Variants in TERF2 observed in about 807,000 individuals in gnomAD.
The protein encoded by TERF2 is telomeric repeat-binding factor 2.
In TERF2, 16 loss-of-function variants were observed where a neutral mutation model predicts 56.1. The ratio of observed to expected loss-of-function variants is 0.29; its 90% CI spans 0.19 to 0.43. TERF2 has a LOEUF of 0.43. Ranked by LOEUF, TERF2 falls within the 20% of genes least tolerant of loss-of-function variation. The pLI is 1.00. For synonymous variants in TERF2, 296 were observed against 282.1 expected, an observed-to-expected ratio of 1.05 and a Z score of -0.50; for missense variants, 547 against 712.9, an observed-to-expected ratio of 0.77 and a Z score of 2.65.
rs778322986 is a variant in TERF2 at position 69,356,892 on chromosome 16, C to G, written c.*6G>C. ...CCTGTGAATTCTGTGGAAATGAAAG[C>G]CTGTTTCAGTTCATGCCAAGTCTTT... On this transcript the variant is annotated 3_prime_UTR_variant, in exon 10 of 10. Transcript: ENST00000254942. 2 of 1,608,334 alleles carry G rather than the reference C, an allele frequency of 1.2e-6. No homozygotes were observed. The highest frequency in any genetic ancestry group is 8.5e-7 in the Non-Finnish European group (1 of 1,177,374).
At chr16:69,376,077 T>G (rs1489746622) in intron 3 of TERF2, among the ~76,000 whole-genome samples, 3 of 152,232 alleles carry the variant, frequency 2.0e-5, no homozygotes. Flanking sequence ...TTAAGTCCTA[T>G]TCATCAATTT....
Position 69,384,721 on chromosome 16 carries a change from G to C in TERF2, c.476-11C>G. On this transcript the variant is annotated splice_polypyrimidine_tract_variant and intron_variant, in intron 2 of 9. Transcript: ENST00000254942. Reference sequence around the variant, plus strand: ...TATCAAAGGAACAGTCTAGGACAAAGCACAGTTTTCATTTTTAAGCTCTTT... The same window carrying C: ...TATCAAAGGAACAGTCTAGGACAAACCACAGTTTTCATTTTTAAGCTCTTT... 6.4e-7 allele frequency: 1 copy of C among 1,566,022 alleles called. No individual in the cohort carries two copies. The highest frequency in any genetic ancestry group is 8.6e-7 in the Non-Finnish European group (1 of 1,159,632).
chr16:69,367,416 A>G (rs1411290143), intron 6 of TERF2, among the ~76,000 whole-genome samples: 1 of 152,172 alleles, frequency 6.6e-6, no homozygotes, highest in Non-Finnish European at 1.5e-5. Context: ...TGTCCTAGAC[A>G]GTAGATAGGA....
intron 7 of TERF2, among the ~76,000 whole-genome samples, chr16:69,362,240 G>A (rs1335710235): frequency 2.6e-5 from 4 of 151,552 alleles, no homozygotes; most frequent in Non-Finnish European, 5.9e-5. Context: ...CTCTGCTTGG[G>A]AGTCCCTTCC....
At position 69,375,981 on chromosome 16, in the gene TERF2, A is replaced by C. The variant is rs536524957; in HGVS notation, c.607-3626T>G. 3.9e-5 allele frequency among the ~76,000 whole-genome samples: 6 copies of C among 152,222 alleles called. No homozygotes were observed. The South Asian group carries it at 1.0e-3, about 26-fold the overall frequency. On this transcript the variant is annotated intron_variant, in intron 3 of 9. Coordinates refer to ENST00000254942, the MANE Select transcript of TERF2 (RefSeq NM_005652.5). Reference sequence around the variant, plus strand: ...AGATACCAGTTCTTTGTCAGGTGTGATTTGTAAATATTTTCTCCCAACCTG... The same window carrying C: ...AGATACCAGTTCTTTGTCAGGTGTGCTTTGTAAATATTTTCTCCCAACCTG...
chr16:69,364,991 C>T (rs1213355590), intron 7 of TERF2: 3 of 152,234 alleles, frequency 2.0e-5, no homozygotes, highest in Non-Finnish European at 2.9e-5. Flanking sequence ...ACTTTATTTA[C>T]AAAAACAGGC....
At chr16:69,368,828 C>G (rs1433086041) in intron 5 of TERF2, among the ~76,000 whole-genome samples, 1 of 152,108 alleles carries the variant, frequency 6.6e-6, no homozygotes, top group African/African-American at 2.4e-5. Flanking sequence ...AGGCGCCCAC[C>G]ACCATGTCCA....
Position 69,370,034 on chromosome 16 carries a change from A to T in TERF2, c.840+449T>A, listed in dbSNP as rs964447559. ...CAGTATCTCTGCTTTTGTATTATTT[A>T]TTTATTTATTTTTTGAGACGGAGTC... On this transcript the variant is annotated intron_variant, in intron 5 of 9. Coordinates refer to ENST00000254942, the MANE Select transcript of TERF2 (RefSeq NM_005652.5). Among the ~76,000 whole-genome samples the T allele has an allele frequency of 6.7e-4, 102 of 152,058 alleles. 1 individual carries two copies. The highest frequency in any genetic ancestry group is 2.2e-3 in the African/African-American group (93 of 41,504).
Position 69,356,074 on chromosome 16 carries a change from A to G in TERF2, c.*824T>C, listed in dbSNP as rs749948840. On this transcript the variant is annotated 3_prime_UTR_variant, in exon 10 of 10. Transcript: ENST00000254942. ...GGGTTGATGTCACGACTGGCTAAAG[A>G]GTTTTTAAAGGGAATCTTATTCCAC... is the stretch of plus-strand genomic sequence containing the variant. The G allele has an allele frequency of 7.9e-6, 3 of 379,856 alleles. No individual in the cohort carries two copies. The highest frequency in any genetic ancestry group is 1.6e-5 in the Non-Finnish European group (3 of 192,990). The allele number at this position is 379,856 out of a possible 1,614,324, so 23.5% of individuals were successfully genotyped here.
At position 69,357,036 on chromosome 16, in the gene TERF2, G is replaced by A. The variant is rs201689490; in HGVS notation, c.1491C>T (p.Ser497=). ...TKKQKWTVEE[S]EWVKAGVQKY... ...TCTGCACTCCAGCCTTGACCCACTC[G>A]CTTTCTTCTACAGTCCACTTCTGCA... The change falls in exon 10 of 10, where the codon AGC becomes AGT. Residue 497 remains serine (S), a synonymous_variant. Coordinates refer to ENST00000254942, the MANE Select transcript of TERF2 (RefSeq NM_005652.5). The A allele has an allele frequency of 2.9e-5, 46 of 1,611,450 alleles. No homozygotes were observed. The highest frequency in any genetic ancestry group is 6.7e-5 in the East Asian group (3 of 44,840).
At chr16:69,367,389 G>C (rs1361023074) in intron 6 of TERF2, among the ~76,000 whole-genome samples, 190 bp from the exon 7 acceptor site, 1 of 152,034 alleles carries the variant, frequency 6.6e-6, no homozygotes, top group East Asian at 1.9e-4. Context: ...TTTATTTTTA[G>C]AGATAGGGTC....
At chr16:69,367,350 A>C in intron 6 of TERF2, 151 bp from the exon 7 acceptor site, 1 of 860,898 alleles carries the variant, frequency 1.2e-6, no homozygotes, top group Non-Finnish European at 1.7e-6. Flanking sequence ...TAAAACTCCA[A>C]GTTAGAGAAC....
intron 2 of TERF2, 138 bp from the exon 3 acceptor site, chr16:69,384,848 G>T: frequency 8.5e-6 from 7 of 826,620 alleles, no homozygotes; most frequent in Non-Finnish European, 1.2e-5. Flanking sequence ...TGACATATTT[G>T]CTACAGGTTG....
At chr16:69,368,971 C>T (rs1243304105) in intron 5 of TERF2, among the ~76,000 whole-genome samples, 1 of 151,946 alleles carries the variant, frequency 6.6e-6, no homozygotes, top group Non-Finnish European at 1.5e-5. Context: ...CCACCATGCC[C>T]GGCAATAAAT....
chr16:69,367,546 C>A (rs2013398954), intron 6 of TERF2, among the ~76,000 whole-genome samples: 1 of 152,098 alleles, frequency 6.6e-6, no homozygotes, highest in Non-Finnish European at 1.5e-5. Context: ...ATCCACCACA[C>A]CCGGCCTACA....
chr16:69,379,419 T>C (rs925375309), intron 3 of TERF2, among the ~76,000 whole-genome samples: 14 of 152,186 alleles, frequency 9.2e-5, no homozygotes, highest in Admixed American at 5.2e-4. Flanking sequence ...AAAAGCAACA[T>C]ATAAATGCTT....
chr16:69,364,045 C>CA (rs2013247080), intron 7 of TERF2, among the ~76,000 whole-genome samples: 1 of 152,118 alleles, frequency 6.6e-6, no homozygotes, highest in African/African-American at 2.4e-5. Context: ...TCATGTGGCC[C>CA]AAAATGCCTA....
At chr16:69,369,430 C>G (rs191566181) in intron 5 of TERF2, among the ~76,000 whole-genome samples, 80 of 150,836 alleles carry the variant, frequency 5.3e-4, no homozygotes, top group Non-Finnish European at 9.7e-4. Flanking sequence ...TCCCAAGTAG[C>G]TGGGACTACA....
At chr16:69,382,265 T>A (rs1481596594) in intron 3 of TERF2, among the ~76,000 whole-genome samples, 1 of 152,226 alleles carries the variant, frequency 6.6e-6, no homozygotes, top group African/African-American at 2.4e-5. Flanking sequence ...TTAAATAAAT[T>A]GTTTTGGCAC....
Sources: gnomAD v4.1 joint callset for allele counts (sites outside exome capture counted in the v4.1 genomes callset) on GRCh38, gnomAD v4.1.1 for gene constraint, MANE v1.5 for transcripts, NCBI Gene and HGNC (gene_info 2026-07-23, HGNC 2026-07-21) for gene names.